Variants in SPATA13 observed in about 807,000 individuals in gnomAD.
SPATA13 encodes spermatogenesis associated 13, also known as spermatogenesis-associated protein 13.
Under a neutral mutation model 104.0 loss-of-function variants are expected in SPATA13, and 50 were observed. That is an observed-to-expected ratio of 0.48 (90% CI 0.38 to 0.61). SPATA13 has a LOEUF of 0.61. SPATA13 is among the 20% of genes least tolerant of loss of function. SPATA13 has a pLI of 0.00. For missense variants in SPATA13, 1,524 were observed against 1,690.6 expected, an observed-to-expected ratio of 0.90 and a Z score of 1.73; for synonymous variants, 606 against 667.5, an observed-to-expected ratio of 0.91 and a Z score of 1.42.
At chr13:23,987,406 T>C (rs1875202469) in intron 2 of SPATA13, among the ~76,000 whole-genome samples, 1 of 152,236 alleles carries the variant, frequency 6.6e-6, no homozygotes, top group Admixed American at 6.5e-5. Context: ...GGTGGAGTTA[T>C]ATTCTTTGGA....
At chr13:24,117,712 C>G (rs1293780178) in intron 3 of SPATA13, among the ~76,000 whole-genome samples, 1 of 152,186 alleles carries the variant, frequency 6.6e-6, no homozygotes, top group Non-Finnish European at 1.5e-5. Context: ...CATTCCTTTA[C>G]TCTGATGTGA....
intron 3 of SPATA13, among the ~76,000 whole-genome samples, chr13:24,055,512 C>G (rs867233693): frequency 6.6e-6 from 1 of 152,124 alleles, no homozygotes; most frequent in Non-Finnish European, 1.5e-5. Flanking sequence ...GAACAGTGCC[C>G]GAAGCACCTT....
Position 24,223,264 on chromosome 13 carries a change from G to T in SPATA13, c.335G>T (p.Gly112Val), listed in dbSNP as rs1871709759. 3 of 1,551,576 alleles carry T rather than the reference G, an allele frequency of 1.9e-6. No homozygotes were observed. The highest frequency in any genetic ancestry group is 2.6e-6 in the Non-Finnish European group (3 of 1,147,014). ...WNTLASFRKM[G>V]SFKKLKSSVL... is the part of the protein sequence containing the mutation. The stretch of plus-strand genomic sequence containing the variant: ...ACCCTCGCCTCCTTCCGGAAAATGG[G>T]ATCCTTTAAGAAACTGAAGTCCTCA... Residue 112 changes from glycine (G) to valine (V), a missense_variant, in exon 2 of 13, where the codon GGA (glycine) becomes GTA (valine). This residue lies in a region of SPATA13 where 1,089 missense variants were observed against 1,135.9 expected (regional missense o/e 0.96). Coordinates refer to ENST00000382108, the MANE Select transcript of SPATA13 (RefSeq NM_001166271.3).
At chr13:24,071,931 T>A (rs1370642225) in intron 3 of SPATA13, among the ~76,000 whole-genome samples, 4 of 152,304 alleles carry the variant, frequency 2.6e-5, no homozygotes, top group African/African-American at 7.2e-5. Flanking sequence ...CTCTTAAGAA[T>A]TTGTGGCTGG....
chr13:24,095,395 G>A (rs1329762535), intron 3 of SPATA13, among the ~76,000 whole-genome samples: 2 of 152,204 alleles, frequency 1.3e-5, no homozygotes, highest in East Asian at 3.9e-4. Context: ...TAGAAGGGTG[G>A]TTACCCAGGG....
intron 4 of SPATA13, among the ~76,000 whole-genome samples, chr13:24,253,950 T>C (rs1873647060): frequency 6.6e-6 from 1 of 152,082 alleles, no homozygotes; most frequent in African/African-American, 2.4e-5. Flanking sequence ...GCTGAGCTTG[T>C]TCTAAGTGTG....
intron 3 of SPATA13, among the ~76,000 whole-genome samples, chr13:24,036,508 C>T (rs1293041100): frequency 6.6e-6 from 1 of 152,164 alleles, no homozygotes; most frequent in Non-Finnish European, 1.5e-5. Context: ...GAATCTGGAA[C>T]AGACACCTGA....
chr13:24,243,801 G>A (rs1872974067), intron 2 of SPATA13, among the ~76,000 whole-genome samples: 1 of 152,190 alleles, frequency 6.6e-6, no homozygotes, highest in African/African-American at 2.4e-5. Context: ...TAGCCAGGAT[G>A]TTGGTACCCT....
intron 4 of SPATA13, chr13:24,278,926 CTCTTTCCT>C (rs1875238582): frequency 1.2e-6 from 1 of 808,620 alleles, no homozygotes; most frequent in South Asian, 1.8e-5. Context: ...CCTTCCTTCC[CTCTTTCCT>C]TCCTTCCTTC....
At chr13:24,300,921 A>G (rs572637688) in intron 12 of SPATA13, among the ~76,000 whole-genome samples, 33 of 152,306 alleles carry the variant, frequency 2.2e-4, no homozygotes, top group South Asian at 6.2e-4. Context: ...TAAGAAAAAG[A>G]TGTAAAGGTT....
intron 11 of SPATA13, among the ~76,000 whole-genome samples, chr13:24,299,371 C>T (rs913892733): frequency 4.6e-5 from 7 of 152,230 alleles, no homozygotes; most frequent in African/African-American, 1.7e-4. Context: ...AGTCTGTGAA[C>T]TGGCACGTGT....
At chr13:24,212,383 T>C (rs1204838910) in intron 1 of SPATA13, among the ~76,000 whole-genome samples, 1 of 152,144 alleles carries the variant, frequency 6.6e-6, no homozygotes, top group Admixed American at 6.5e-5. Flanking sequence ...TAAGCTATGT[T>C]CACTCAGATG....
chr13:24,187,682 T>TA (rs1869236664), intron 1 of SPATA13, among the ~76,000 whole-genome samples: 1 of 152,330 alleles, frequency 6.6e-6, no homozygotes, highest in East Asian at 1.9e-4. Flanking sequence ...GATGTTACTA[T>TA]TGTAATTGTT....
intron 3 of SPATA13, among the ~76,000 whole-genome samples, chr13:24,135,088 G>A (rs951465638): frequency 1.3e-5 from 2 of 152,082 alleles, no homozygotes; most frequent in African/African-American, 4.8e-5. Context: ...GAAAGAAACA[G>A]CCCTGCCAAT....
chr13:24,150,888 C>T (rs919288396), intron 3 of SPATA13, among the ~76,000 whole-genome samples: 5 of 152,124 alleles, frequency 3.3e-5, no homozygotes, highest in Non-Finnish European at 5.9e-5. Context: ...CACAGCCACA[C>T]GGAGACTGCT....
At chr13:24,260,481 C>T (rs1246772889) in intron 4 of SPATA13, among the ~76,000 whole-genome samples, 1 of 152,186 alleles carries the variant, frequency 6.6e-6, no homozygotes, top group African/African-American at 2.4e-5. Flanking sequence ...AGCATGACCC[C>T]ACCAAGCCTG....
intron 1 of SPATA13, among the ~76,000 whole-genome samples, chr13:24,207,912 C>G (rs1286786825): frequency 2.0e-5 from 3 of 152,186 alleles, no homozygotes; most frequent in Non-Finnish European, 4.4e-5. Context: ...CAGATTCTTG[C>G]ATCTGTGAAA....
chr13:24,284,736 G>GT (rs1232126756), intron 5 of SPATA13, among the ~76,000 whole-genome samples: 1 of 152,168 alleles, frequency 6.6e-6, no homozygotes, highest in Admixed American at 6.5e-5. Context: ...AGCTTTCTGG[G>GT]TAGAGGCAGC....
At chr13:24,085,128 C>T (rs1486269431) in intron 3 of SPATA13, among the ~76,000 whole-genome samples, 1 of 152,022 alleles carries the variant, frequency 6.6e-6, no homozygotes, top group East Asian at 1.9e-4. Context: ...TGTGCTTTTT[C>T]CCTTGTTTTG....
Sources: allele counts gnomAD v4.1 joint callset (sites outside exome capture counted in the v4.1 genomes callset), GRCh38; gene constraint gnomAD v4.1.1; regional missense constraint gnomAD v4.1.1; transcripts MANE v1.5; gene names NCBI Gene and HGNC (gene_info 2026-07-23, HGNC 2026-07-21).